Variants in TLN2 observed in about 807,000 individuals in gnomAD.
TLN2 encodes the protein talin-2.
In TLN2, 118 loss-of-function variants were observed where a neutral mutation model predicts 294.7. That is an observed-to-expected ratio of 0.40 (90% CI 0.34 to 0.47). The LOEUF (loss-of-function observed/expected upper bound fraction) is 0.47. TLN2 is among the 20% of genes least tolerant of loss of function. The pLI is 0.84. For missense variants in TLN2, 3,083 were observed against 3,282.2 expected (o/e 0.94, Z 1.48); for synonymous variants, 1,431 against 1,304.5 (o/e 1.10, Z -2.09).
intron 1 of TLN2, among the ~76,000 whole-genome samples, chr15:62,416,485 G>T (rs1283010744): frequency 6.6e-6 from 1 of 152,170 alleles, no homozygotes; most frequent in East Asian, 1.9e-4. Flanking sequence ...GCTCTTTTGT[G>T]TAGCTAAGTA....
At chr15:62,653,093 G>C (rs1408646807) in intron 6 of TLN2, 69 bp from the exon 7 acceptor site, 5 of 1,328,696 alleles carry the variant, frequency 3.8e-6, no homozygotes, top group Non-Finnish European at 5.0e-6. Flanking sequence ...GAATATCACA[G>C]GCCTTAGGCT....
intron 14 of TLN2, among the ~76,000 whole-genome samples, 176 bp from the exon 15 acceptor site, chr15:62,697,512 A>G (rs1001557575): frequency 4.6e-5 from 7 of 152,250 alleles, no homozygotes; most frequent in African/African-American, 1.7e-4. Context: ...TTCATCTCAG[A>G]GCTCTGCTAA....
intron 16 of TLN2, among the ~76,000 whole-genome samples, chr15:62,699,315 C>T (rs2058563969): frequency 6.6e-6 from 1 of 152,000 alleles, no homozygotes; most frequent in Non-Finnish European, 1.5e-5. Flanking sequence ...ACCCGTGGTT[C>T]TCAAGCTGTA....
chr15:62,530,351 T>C (rs1284864448), intron 1 of TLN2, among the ~76,000 whole-genome samples: 1 of 152,032 alleles, frequency 6.6e-6, no homozygotes, highest in Non-Finnish European at 1.5e-5. Flanking sequence ...TTTATTCATG[T>C]ATTCATTCAT....
At chr15:62,712,495 C>T (rs894013095) in intron 22 of TLN2, among the ~76,000 whole-genome samples, 6 of 152,200 alleles carry the variant, frequency 3.9e-5, no homozygotes, top group Admixed American at 3.9e-4. Context: ...TAGACTATTT[C>T]CTACTTTACG....
chr15:62,837,394 T>G (rs2069826540), intron 57 of TLN2, among the ~76,000 whole-genome samples: 1 of 152,194 alleles, frequency 6.6e-6, no homozygotes, highest in Admixed American at 6.5e-5. Context: ...GTGCATAATC[T>G]TATATAAATC....
chr15:62,717,422 G>C (rs1195403066), intron 23 of TLN2, among the ~76,000 whole-genome samples, 154 bp from the exon 24 acceptor site: 1 of 152,210 alleles, frequency 6.6e-6, no homozygotes, highest in African/African-American at 2.4e-5. Flanking sequence ...CGTGTTGTAA[G>C]ATTAGGGTCA....
chr15:62,522,279 T>C (rs1006399910), intron 1 of TLN2, among the ~76,000 whole-genome samples: 2 of 151,062 alleles, frequency 1.3e-5, no homozygotes, highest in Non-Finnish European at 3.0e-5. Flanking sequence ...AGAGGGAAGA[T>C]ACCAAGAAAT....
intron 9 of TLN2, among the ~76,000 whole-genome samples, chr15:62,660,416 A>G (rs1332577184): frequency 1.3e-5 from 2 of 152,188 alleles, no homozygotes; most frequent in East Asian, 3.8e-4. Flanking sequence ...AATAAGTGCT[A>G]GAGAGAGACA....
intron 53 of TLN2, 116 bp from the exon 54 acceptor site, chr15:62,820,370 A>G (rs1016557056): frequency 7.4e-5 from 81 of 1,096,472 alleles, no homozygotes; most frequent in Admixed American, 5.1e-4. Context: ...CCTTAGGACA[A>G]TGCAGGTCAG....
intron 9 of TLN2, among the ~76,000 whole-genome samples, chr15:62,666,259 T>C (rs1425570854): frequency 6.6e-6 from 1 of 152,132 alleles, no homozygotes; most frequent in Non-Finnish European, 1.5e-5. Flanking sequence ...TCTCCAAAAT[T>C]TGGGTGTTGT....
intron 38 of TLN2, 105 bp downstream of exon 38, chr15:62,761,926 T>G (rs1171820962): frequency 1.4e-6 from 2 of 1,440,168 alleles, no homozygotes; most frequent in African/African-American, 2.8e-5. Context: ...TGTCAACATG[T>G]AGGCTACTGT....
At position 62,766,336 on chromosome 15, in the gene TLN2, C is replaced by G; in HGVS notation, c.5110C>G (p.Leu1704Val). 2 of 1,612,858 alleles carry G rather than the reference C, an allele frequency of 1.2e-6. No homozygotes were observed. Among genetic ancestry groups the G allele is most frequent in the Non-Finnish European group, 1.7e-6 (2 of 1,178,970 alleles). ...DISVEALQEQLTSVVQEIGHL... is the reference protein window; with the variant it reads ...DISVEALQEQVTSVVQEIGHL... Reference sequence around the variant, plus strand: ...TCCTTATCAGGCCCTGCAGGAGCAGCTGACTTCGGTGGTCCAGGAAATCGG... The same window carrying G: ...TCCTTATCAGGCCCTGCAGGAGCAGGTGACTTCGGTGGTCCAGGAAATCGG... Residue 1704 changes from leucine (L) to valine (V), a missense_variant, in exon 41 of 59, where the codon CTG becomes GTG. Coordinates refer to ENST00000636159, the MANE Select transcript of TLN2 (RefSeq NM_015059.3).
At chr15:62,792,196 A>G (rs113834491) in intron 45 of TLN2, among the ~76,000 whole-genome samples, 56 of 152,338 alleles carry the variant, frequency 3.7e-4, no homozygotes, top group African/African-American at 1.3e-3. Context: ...TGAACCTCTA[A>G]TTACCCTCTA....
In TLN2 at chr15:62,809,956, A is replaced by T; in HGVS notation, c.6695A>T (p.Glu2232Val). 4.3e-6 allele frequency: 7 copies of T among 1,614,034 alleles called. No homozygotes were observed. The highest frequency in any genetic ancestry group is 5.9e-6 in the Non-Finnish European group (7 of 1,180,022). ...TCCTTCCACCCCGATGTCAGTGACG[A>T]GGTGAGAACCAGAGCCTTGCGTTTC... ...QASFHPDVSDEVRTRALRFGT... is the reference protein window; with the variant it reads ...QASFHPDVSDVVRTRALRFGT... The change falls in exon 52 of 59, where the codon GAG becomes GTG. Residue 2232 changes from glutamate to valine, a missense_variant. By Grantham distance (121) the Glu-to-Val change is moderately radical. Transcript: ENST00000636159.
At chr15:62,808,310 G>T (rs1329263288) in intron 51 of TLN2, among the ~76,000 whole-genome samples, 4 of 152,066 alleles carry the variant, frequency 2.6e-5, no homozygotes, top group Non-Finnish European at 4.4e-5. Context: ...TTGCTATATT[G>T]CTGACTTTTT....
chr15:62,651,514 T>C (rs1274342928), intron 5 of TLN2, among the ~76,000 whole-genome samples: 2 of 152,160 alleles, frequency 1.3e-5, no homozygotes, highest in Non-Finnish European at 2.9e-5. Flanking sequence ...ATGGAAATAA[T>C]GAAAGAAACC....
At chr15:62,710,991 G>C (rs980463630) in intron 21 of TLN2, among the ~76,000 whole-genome samples, 8 of 151,908 alleles carry the variant, frequency 5.3e-5, no homozygotes, top group Non-Finnish European at 1.2e-4. Context: ...CTCCCAAAGT[G>C]CTGGGATTAC....
intron 8 of TLN2, 60 bp from the exon 9 acceptor site, chr15:62,657,711 G>A (rs2053383517): frequency 6.3e-7 from 1 of 1,578,160 alleles, no homozygotes; most frequent in South Asian, 1.2e-5. Context: ...GAATGCGTCA[G>A]TGGAGAGAAC....
Sources: gnomAD v4.1 joint callset for allele counts (sites outside exome capture counted in the v4.1 genomes callset) on GRCh38, gnomAD v4.1.1 for gene constraint, MANE v1.5 for transcripts, NCBI Gene and HGNC (gene_info 2026-07-23, HGNC 2026-07-21) for gene names.